ERBB4: variants seen among roughly 807,000 people sequenced by gnomAD.
ERBB4 encodes receptor tyrosine-protein kinase erbB-4.
Under a neutral mutation model 158.0 loss-of-function variants are expected in ERBB4, and 42 were observed. The ratio of observed to expected loss-of-function variants is 0.27; its 90% CI spans 0.21 to 0.34. The LOEUF (loss-of-function observed/expected upper bound fraction) is 0.34, where lower values mean the gene tolerates loss of function less well. Among genes scored for constraint, ERBB4 ranks in the 10% least tolerant of loss-of-function variants. The pLI, the probability that ERBB4 is intolerant of heterozygous loss-of-function variation, is 1.00. For missense variants in ERBB4, 1,333 were observed against 1,624.1 expected (o/e 0.82, Z 3.08); for synonymous variants, 583 against 558.7 (o/e 1.04, Z -0.61).
intron 3 of ERBB4, among the ~76,000 whole-genome samples, chr2:211,862,894 AC>A (rs1169550394): frequency 1.3e-5 from 2 of 152,190 alleles, no homozygotes; most frequent in Non-Finnish European, 2.9e-5. Context: ...TCGTAAATGC[AC>A]CAATCAGCGC....
chr2:212,202,090 T>C (rs944498785), intron 1 of ERBB4, among the ~76,000 whole-genome samples: 3 of 152,184 alleles, frequency 2.0e-5, no homozygotes, highest in Non-Finnish European at 4.4e-5. Context: ...AAGCTAGGTT[T>C]GTAGTATGGA....
chr2:211,923,269 G>A (rs549223707), intron 3 of ERBB4, among the ~76,000 whole-genome samples: 6 of 152,194 alleles, frequency 3.9e-5, no homozygotes, highest in East Asian at 1.9e-4. Context: ...AGAAAATCTC[G>A]CAACAAAGGA....
chr2:212,006,793 G>A (rs1051884553), intron 2 of ERBB4, among the ~76,000 whole-genome samples: 1 of 151,710 alleles, frequency 6.6e-6, no homozygotes, highest in African/African-American at 2.4e-5. Context: ...GTATCTTGCC[G>A]GTTTAAAAAA....
intron 3 of ERBB4, among the ~76,000 whole-genome samples, chr2:211,818,820 A>C (rs2076931431): frequency 6.6e-6 from 1 of 152,090 alleles, no homozygotes; most frequent in Non-Finnish European, 1.5e-5. Context: ...GTTCTCTTAT[A>C]GGTGGATGGG....
chr2:212,145,164 G>C (rs1347225081), intron 1 of ERBB4, among the ~76,000 whole-genome samples: 1 of 151,948 alleles, frequency 6.6e-6, no homozygotes, highest in Non-Finnish European at 1.5e-5. Flanking sequence ...AAAAATTGTA[G>C]TTAAAACAAA....
rs112363063 is a variant in ERBB4, at chr2:211,703,214, T to C, written c.1289+890A>G. 7.0e-3 allele frequency among the ~76,000 whole-genome samples: 1,064 copies of C among 152,198 alleles called. 13 individuals are homozygous for C. Among genetic ancestry groups the C allele is most frequent in the African/African-American group, 0.024 (981 of 41,530 alleles). ...TTGTCCCCATCATAACTATCTTGAGTTGTTGATTACAATGTTAGCACAATG... is the reference window on the plus strand; with the variant it reads ...TTGTCCCCATCATAACTATCTTGAGCTGTTGATTACAATGTTAGCACAATG... On this transcript the variant is annotated intron_variant, in intron 11 of 27. Coordinates refer to ENST00000342788, the MANE Select transcript of ERBB4 (RefSeq NM_005235.3).
intron 12 of ERBB4, among the ~76,000 whole-genome samples, chr2:211,695,942 T>C (rs1359491825): frequency 6.7e-6 from 1 of 150,134 alleles, no homozygotes; most frequent in Admixed American, 6.6e-5. Context: ...CTCTTTCTTT[T>C]CTTTCTTTTT....
chr2:212,168,919 T>G (rs2081428407), intron 1 of ERBB4, among the ~76,000 whole-genome samples: 1 of 152,122 alleles, frequency 6.6e-6, no homozygotes, highest in African/African-American at 2.4e-5. Flanking sequence ...CAAATAGAAG[T>G]ACCTAAAGAT....
chr2:211,465,053 C>T (rs1036821883), intron 20 of ERBB4, among the ~76,000 whole-genome samples: 25 of 150,238 alleles, frequency 1.7e-4, no homozygotes, highest in African/African-American at 5.6e-4. Context: ...ATGATGATAG[C>T]TTACTGCAAC....
At chr2:211,453,335 C>T (rs568926879) in intron 20 of ERBB4, among the ~76,000 whole-genome samples, 1 of 152,258 alleles carries the variant, frequency 6.6e-6, no homozygotes, top group Non-Finnish European at 1.5e-5. Context: ...AGATATTACT[C>T]AGGGTCACTA....
intron 1 of ERBB4, among the ~76,000 whole-genome samples, chr2:212,335,824 C>A (rs182167408): frequency 1.2e-4 from 18 of 152,028 alleles, no homozygotes; most frequent in Admixed American, 1.1e-3. Context: ...GTTCTCCTTT[C>A]CTAATGTGTT....
rs192785116 is a variant in ERBB4, at chr2:212,115,273, C to T, written c.234+9479G>A. On this transcript the variant is annotated intron_variant, in intron 2 of 27. Transcript: ENST00000342788. ...CTTAAATTATACTCTATGTGACCAA[C>T]GAGAGACCTTTAAAATTGATTTGGT... 1.7e-3 allele frequency among the ~76,000 whole-genome samples: 251 copies of T among 151,844 alleles called. 1 individual carries two copies. Among genetic ancestry groups the T allele is most frequent in the Non-Finnish European group, 5.0e-4 (34 of 67,942 alleles).
chr2:212,232,223 T>A (rs184810673), intron 1 of ERBB4, among the ~76,000 whole-genome samples: 1 of 152,180 alleles, frequency 6.6e-6, no homozygotes, highest in Admixed American at 6.6e-5. Flanking sequence ...AGAAACATTA[T>A]GAAGACTACA....
chr2:211,566,477 TCTGGA>T (rs1379805631), intron 19 of ERBB4, among the ~76,000 whole-genome samples: 1 of 152,220 alleles, frequency 6.6e-6, no homozygotes, highest in East Asian at 1.9e-4. Flanking sequence ...TGTGGCCTCG[TCTGGA>T]TTCACGAGGT....
intron 1 of ERBB4, among the ~76,000 whole-genome samples, chr2:212,160,234 T>C (rs1236617814): frequency 6.6e-6 from 1 of 151,976 alleles, no homozygotes; most frequent in Non-Finnish European, 1.5e-5. Context: ...GATTGGATGC[T>C]TCAGGCTTGT....
At chr2:212,243,994 G>A (rs1299945068) in intron 1 of ERBB4, among the ~76,000 whole-genome samples, 1 of 152,038 alleles carries the variant, frequency 6.6e-6, no homozygotes, top group Non-Finnish European at 1.5e-5. Flanking sequence ...TTAATTTAGT[G>A]TAAGCATTCT....
chr2:211,538,756 A>G (rs990804483), intron 20 of ERBB4, among the ~76,000 whole-genome samples: 1 of 151,874 alleles, frequency 6.6e-6, no homozygotes, highest in African/African-American at 2.4e-5. Context: ...TTGGGTTCGT[A>G]GAATTGATGG....
chr2:212,365,966 T>C (rs1421292060), intron 1 of ERBB4, among the ~76,000 whole-genome samples: 4 of 151,762 alleles, frequency 2.6e-5, no homozygotes, highest in African/African-American at 9.7e-5. Flanking sequence ...AGTAGAAAAA[T>C]ATCAAATATC....
chr2:212,151,423 T>C (rs2080865427), intron 1 of ERBB4, among the ~76,000 whole-genome samples: 1 of 151,628 alleles, frequency 6.6e-6, no homozygotes, highest in Admixed American at 6.6e-5. Flanking sequence ...TGTTACTGTA[T>C]TTATCATCTA....
Sources: allele counts gnomAD v4.1 joint callset (sites outside exome capture counted in the v4.1 genomes callset), GRCh38; gene constraint gnomAD v4.1.1; transcripts MANE v1.5; gene names NCBI Gene and HGNC (gene_info 2026-07-23, HGNC 2026-07-21).